Variants in RIGI observed in about 807,000 individuals in gnomAD.
The protein encoded by RIGI is antiviral innate immune response receptor RIG-I.
At chr9:32,515,767 T>G in the RIGI span, among the ~76,000 whole-genome samples, 2 of 152,216 alleles carry the variant, frequency 1.3e-5, no homozygotes, top group Non-Finnish European at 2.9e-5. Flanking sequence ...AAGTCAATAA[T>G]GCCAAAGTAA....
chr9:32,483,379 G>A, the RIGI span, among the ~76,000 whole-genome samples: 1 of 152,274 alleles, frequency 6.6e-6, no homozygotes, highest in East Asian at 1.9e-4. Context: ...AACCTGGGTA[G>A]GTGTAAAAAT....
the RIGI span, chr9:32,488,176 T>A: frequency 1.9e-6 from 3 of 1,614,096 alleles, no homozygotes; most frequent in Non-Finnish European, 2.5e-6. Flanking sequence ...TCTCAGCTGT[T>A]GCTCCAGAAA....
At chr9:32,501,887 T>C in the RIGI span, among the ~76,000 whole-genome samples, 1 of 152,234 alleles carries the variant, frequency 6.6e-6, no homozygotes. Context: ...AAGGTCTCTG[T>C]CTTGACAACA....
At chr9:32,504,763 T>C in the RIGI span, among the ~76,000 whole-genome samples, 1 of 137,086 alleles carries the variant, frequency 7.3e-6, no homozygotes, top group Non-Finnish European at 1.5e-5. Flanking sequence ...ATATAAAATA[T>C]ATTTAATACA....
At chr9:32,476,803 T>A in the RIGI span, among the ~76,000 whole-genome samples, 38 of 152,108 alleles carry the variant, frequency 2.5e-4, no homozygotes, top group Admixed American at 2.4e-3. Flanking sequence ...TTTTCTTTTT[T>A]AAGAGATGAG....
chr9:32,492,381 A>G, the RIGI span: 2 of 1,614,010 alleles, frequency 1.2e-6, no homozygotes, highest in Non-Finnish European at 1.7e-6. Flanking sequence ...AGGAGGGTAC[A>G]GTGTCTTACC....
At chr9:32,477,051 G>A in the RIGI span, 2 of 1,614,070 alleles carry the variant, frequency 1.2e-6, no homozygotes, top group Non-Finnish European at 1.7e-6. Context: ...TACTCTTCTT[G>A]TAAGATGAAG....
chr9:32,465,860 G>A, the RIGI span, among the ~76,000 whole-genome samples: 3 of 152,160 alleles, frequency 2.0e-5, no homozygotes, highest in Admixed American at 2.0e-4. Context: ...ACACTAAGAG[G>A]TTGATCTGAA....
At chr9:32,461,181 C>T in the RIGI span, among the ~76,000 whole-genome samples, 1 of 152,042 alleles carries the variant, frequency 6.6e-6, no homozygotes, top group African/African-American at 2.4e-5. Context: ...AACAGTCCAC[C>T]CCAGAACCCT....
chr9:32,477,208 T>G, the RIGI span: 1 of 1,522,848 alleles, frequency 6.6e-7, no homozygotes, highest in Non-Finnish European at 8.9e-7. Flanking sequence ...TAGCTATCGT[T>G]CAAACAGCTG....
the RIGI span, among the ~76,000 whole-genome samples, chr9:32,479,816 G>A: frequency 2.9e-5 from 4 of 140,236 alleles, no homozygotes; most frequent in Admixed American, 7.4e-5. Flanking sequence ...GACCCTGGGC[G>A]ACAAAGCAAG....
chr9:32,518,475 G>A, the RIGI span, among the ~76,000 whole-genome samples: 2 of 151,900 alleles, frequency 1.3e-5, no homozygotes, highest in East Asian at 3.8e-4. Flanking sequence ...AAGTCATGTA[G>A]TTTCTTTCCT....
chr9:32,508,239 A>ATTTTTTTTTTTT, the RIGI span, among the ~76,000 whole-genome samples: 316 of 70,340 alleles, frequency 4.5e-3, 42 homozygotes, highest in African/African-American at 0.016. Flanking sequence ...TATTTACTTA[A>ATTTTTTTTTTTT]TTTTTTTTTT....
At chr9:32,508,691 G>A in the RIGI span, among the ~76,000 whole-genome samples, 2 of 152,074 alleles carry the variant, frequency 1.3e-5, no homozygotes, top group Non-Finnish European at 2.9e-5. Flanking sequence ...GGCAGACACT[G>A]AGCTAGCTGC....
At chr9:32,518,141 ATG>A in the RIGI span, among the ~76,000 whole-genome samples, 1 of 152,292 alleles carries the variant, frequency 6.6e-6, no homozygotes, top group Non-Finnish European at 1.5e-5. Flanking sequence ...GCAAAAGACA[ATG>A]TGTTTTTATT....
the RIGI span, chr9:32,491,506 C>T: frequency 9.2e-7 from 1 of 1,085,430 alleles, no homozygotes; most frequent in Non-Finnish European, 1.3e-6. Flanking sequence ...GGTCATAACA[C>T]TAAGATTTTT....
chr9:32,501,222 T>C, the RIGI span, among the ~76,000 whole-genome samples: 5 of 142,006 alleles, frequency 3.5e-5, no homozygotes, highest in African/African-American at 1.1e-4. Context: ...TAAAAAAATC[T>C]CCCTGCAAAA....
At chr9:32,459,415 A>G in the RIGI span, 1 of 1,613,862 alleles carries the variant, frequency 6.2e-7, no homozygotes, top group Non-Finnish European at 8.5e-7. Context: ...AAGGCTTTGC[A>G]CTTTCTGCAG....
chr9:32,514,865 T>C, the RIGI span, among the ~76,000 whole-genome samples: 1 of 152,202 alleles, frequency 6.6e-6, no homozygotes, highest in African/African-American at 2.4e-5. Flanking sequence ...AGCTAATTTT[T>C]TTCAGTTCCC....
Sources: allele counts gnomAD v4.1 joint callset (sites outside exome capture counted in the v4.1 genomes callset), GRCh38; gene constraint gnomAD v4.1.1; transcripts MANE v1.5; gene names NCBI Gene and HGNC (gene_info 2026-07-23, HGNC 2026-07-21).